Variants in SCFD2 observed in about 807,000 individuals in gnomAD.
SCFD2 encodes the protein sec1 family domain containing 2, also known as sec1 family domain-containing protein 2.
In SCFD2, 54 loss-of-function variants were observed where a neutral mutation model predicts 58.9. The observed-to-expected ratio is 0.92, with a 90% CI of 0.74 to 1.15. The LOEUF (loss-of-function observed/expected upper bound fraction) is 1.15. Ranked by LOEUF, SCFD2 falls within the 50% of genes most tolerant of loss-of-function variation. The pLI is 0.00. For synonymous variants in SCFD2, 321 were observed against 335.9 expected, an observed-to-expected ratio of 0.96 and a Z score of 0.49; for missense variants, 805 against 836.6, an observed-to-expected ratio of 0.96 and a Z score of 0.47.
chr4:52,924,640 T>C (rs567124534), intron 5 of SCFD2, among the ~76,000 whole-genome samples: 1 of 152,286 alleles, frequency 6.6e-6, no homozygotes, highest in South Asian at 2.1e-4. Flanking sequence ...TTTTTATCAG[T>C]CTTTAAGCAT....
chr4:53,190,820 A>G (rs1191579489), intron 4 of SCFD2, among the ~76,000 whole-genome samples: 1 of 146,928 alleles, frequency 6.8e-6, no homozygotes. Context: ...AAGATTTTCC[A>G]ATCAAATAAA....
intron 3 of SCFD2, among the ~76,000 whole-genome samples, chr4:53,298,956 A>C (rs559127241): frequency 1.3e-5 from 2 of 152,206 alleles, no homozygotes; most frequent in East Asian, 1.9e-4. Context: ...CGTCAACATC[A>C]TCAAAGACCA....
chr4:53,202,360 G>T (rs976309773), intron 4 of SCFD2, among the ~76,000 whole-genome samples: 6 of 151,794 alleles, frequency 4.0e-5, no homozygotes, highest in Non-Finnish European at 5.9e-5. Flanking sequence ...ATTTCTGAGG[G>T]CTCTGTTCTG....
At chr4:53,241,132 T>C (rs1335566872) in intron 4 of SCFD2, among the ~76,000 whole-genome samples, 1 of 152,138 alleles carries the variant, frequency 6.6e-6, no homozygotes, top group Non-Finnish European at 1.5e-5. Flanking sequence ...AGCAACCTGC[T>C]CTCACCATAG....
At chr4:53,145,657 A>T in intron 4 of SCFD2, 75 bp from the exon 5 acceptor site, 1 of 1,343,858 alleles carries the variant, frequency 7.4e-7, no homozygotes, top group South Asian at 1.3e-5. Context: ...TAGTCGAATG[A>T]TAGCTTTCAA....
chr4:53,304,805 A>C (rs1332244464), intron 3 of SCFD2, among the ~76,000 whole-genome samples: 1 of 151,964 alleles, frequency 6.6e-6, no homozygotes, highest in Non-Finnish European at 1.5e-5. Context: ...GTTATTACCC[A>C]CCTTCTGAAG....
chr4:53,092,850 G>A (rs1724513109), intron 5 of SCFD2, among the ~76,000 whole-genome samples: 1 of 152,088 alleles, frequency 6.6e-6, no homozygotes, highest in African/African-American at 2.4e-5. Flanking sequence ...AGATGGTAAT[G>A]TTATCAAAAA....
At chr4:53,273,775 A>G in intron 4 of SCFD2, 51 bp downstream of exon 4, 1 of 1,476,958 alleles carries the variant, frequency 6.8e-7, no homozygotes, top group South Asian at 1.3e-5. Context: ...TTTTCTCTGG[A>G]AGTCAAAACA....
chr4:52,899,239 T>C lies in SCFD2; in HGVS notation c.1842+8218A>G, dbSNP rs543574442. ...CTCTTTAGTTGATGCAGTTTCTTCC[T>C]AGCCTCGATAGTCTTTACAATTTGG... On this transcript the variant is annotated intron_variant, in intron 7 of 8. Coordinates refer to ENST00000401642, the MANE Select transcript of SCFD2 (RefSeq NM_152540.4). 5.9e-5 allele frequency among the ~76,000 whole-genome samples: 9 copies of C among 152,370 alleles called. No homozygotes were observed. In the East Asian group the frequency reaches 1.3e-3, roughly 23 times the overall value.
intron 5 of SCFD2, among the ~76,000 whole-genome samples, chr4:52,975,057 C>A (rs1333070014): frequency 6.6e-6 from 1 of 152,068 alleles, no homozygotes; most frequent in East Asian, 1.9e-4. Context: ...GACCTAAAAC[C>A]ATAAAAACCC....
intron 5 of SCFD2, chr4:52,950,014 C>G (rs1042698800): frequency 6.6e-6 from 1 of 152,238 alleles, no homozygotes; most frequent in East Asian, 1.9e-4. Flanking sequence ...CCAACAAACA[C>G]ATCTGTACAC....
intron 7 of SCFD2, among the ~76,000 whole-genome samples, chr4:52,902,658 C>T (rs755303699): frequency 1.1e-4 from 16 of 152,294 alleles, no homozygotes; most frequent in East Asian, 3.9e-4. Context: ...GTACTTACTA[C>T]GCGCCAGACA....
chr4:53,178,446 C>T (rs1329997836), intron 4 of SCFD2, among the ~76,000 whole-genome samples: 1 of 152,076 alleles, frequency 6.6e-6, no homozygotes, highest in Non-Finnish European at 1.5e-5. Flanking sequence ...GTCCTGTCTG[C>T]TAGAAGGAAA....
chr4:53,031,595 C>T (rs777463796), intron 5 of SCFD2, among the ~76,000 whole-genome samples: 10 of 152,082 alleles, frequency 6.6e-5, no homozygotes, highest in African/African-American at 2.4e-4. Context: ...ACATAAATGA[C>T]CTGATGTAGA....
At chr4:53,207,530 T>TA (rs375151293) in intron 4 of SCFD2, among the ~76,000 whole-genome samples, 281 of 16,686 alleles carry the variant, frequency 0.017, 19 homozygotes, top group African/African-American at 0.077. Flanking sequence ...TATATAATAT[T>TA]TATATATTAT....
chr4:53,211,253 AAAAT>A, intron 4 of SCFD2, among the ~76,000 whole-genome samples: 1 of 151,834 alleles, frequency 6.6e-6, no homozygotes, highest in South Asian at 2.1e-4. Flanking sequence ...AAAAAAAAAA[AAAAT>A]CCAAGAGAAC....
chr4:53,190,272 G>A (rs557365254), intron 4 of SCFD2, among the ~76,000 whole-genome samples: 14 of 152,246 alleles, frequency 9.2e-5, no homozygotes, highest in South Asian at 2.1e-4. Context: ...AGATGTTGGC[G>A]TGTGTGTTTT....
intron 5 of SCFD2, among the ~76,000 whole-genome samples, chr4:53,076,043 G>T (rs1468110086): frequency 6.6e-6 from 1 of 152,104 alleles, no homozygotes; most frequent in Non-Finnish European, 1.5e-5. Context: ...TATGTGTAGG[G>T]ATTATTTGCC....
At chr4:52,987,891 T>C (rs986129266) in intron 5 of SCFD2, among the ~76,000 whole-genome samples, 2 of 152,164 alleles carry the variant, frequency 1.3e-5, no homozygotes, top group African/African-American at 4.8e-5. Flanking sequence ...ATTTCCCCCA[T>C]GTGGAGGAAC....
Sources: gnomAD v4.1 joint callset for allele counts (sites outside exome capture counted in the v4.1 genomes callset) on GRCh38, gnomAD v4.1.1 for gene constraint, MANE v1.5 for transcripts, NCBI Gene and HGNC (gene_info 2026-07-23, HGNC 2026-07-21) for gene names.